The following DUSP16 variants were observed in gnomAD, a reference collection of about 807,000 sequenced individuals.
DUSP16 encodes dual specificity protein phosphatase 16.
Under a neutral mutation model 58.3 loss-of-function variants are expected in DUSP16, and 21 were observed. The ratio of observed to expected loss-of-function variants is 0.36; its 90% CI spans 0.26 to 0.52. The LOEUF (loss-of-function observed/expected upper bound fraction) is 0.52, where lower values mean the gene tolerates loss of function less well. DUSP16 is among the 20% of genes least tolerant of loss of function. DUSP16 has a pLI of 0.94. For synonymous variants in DUSP16, 320 were observed against 323.8 expected (o/e 0.99, Z 0.12); for missense variants, 726 against 819.0 (o/e 0.89, Z 1.39).
chr12:12,539,162 G>A (rs1389195428), intron 1 of DUSP16, among the ~76,000 whole-genome samples: 1 of 152,186 alleles, frequency 6.6e-6, no homozygotes, highest in South Asian at 2.1e-4. Context: ...GTTTAAGAGA[G>A]AGCAGAGGAG....
chr12:12,560,892 GAC>G (rs2136278397), intron 1 of DUSP16: 1 of 143,398 alleles, frequency 7.0e-6, no homozygotes, highest in South Asian at 2.2e-4. Flanking sequence ...GCATTTTTCT[GAC>G]AGTCTCAGTT....
intron 5 of DUSP16, 76 bp from the exon 6 acceptor site, chr12:12,480,422 CTCAG>C: frequency 6.5e-7 from 1 of 1,547,352 alleles, no homozygotes; most frequent in Non-Finnish European, 8.8e-7. Context: ...CATTTACTTA[CTCAG>C]TGTCTTCCAC....
intron 1 of DUSP16, among the ~76,000 whole-genome samples, chr12:12,524,326 G>A (rs1309066244): frequency 6.6e-6 from 1 of 152,214 alleles, no homozygotes; most frequent in African/African-American, 2.4e-5. Context: ...TTTCAGTGCT[G>A]TACTGAGGCC....
chr12:12,557,851 C>T (rs1167791032), intron 1 of DUSP16, among the ~76,000 whole-genome samples: 1 of 152,214 alleles, frequency 6.6e-6, no homozygotes, highest in African/African-American at 2.4e-5. Context: ...CAGGGTCTAG[C>T]ACTTGGTAGA....
chr12:12,486,803 T>A (rs1178229973), intron 5 of DUSP16, among the ~76,000 whole-genome samples: 1 of 152,184 alleles, frequency 6.6e-6, no homozygotes, highest in Non-Finnish European at 1.5e-5. Flanking sequence ...ACCTTGGTGG[T>A]GTTAAATGTT....
chr12:12,561,652 C>A (rs1206771764), intron 1 of DUSP16, among the ~76,000 whole-genome samples: 1 of 152,220 alleles, frequency 6.6e-6, no homozygotes, highest in South Asian at 2.1e-4. Context: ...ACACCAAAGG[C>A]GAACTGGGGA....
intron 3 of DUSP16, 79 bp downstream of exon 3, chr12:12,519,782 TA>T: frequency 7.0e-7 from 1 of 1,437,688 alleles, no homozygotes; most frequent in Non-Finnish European, 9.7e-7. Flanking sequence ...TGATCTATTG[TA>T]CTGAGTTCAC....
At chr12:12,558,326 ATT>A (rs1944841208) in intron 1 of DUSP16, among the ~76,000 whole-genome samples, 2 of 151,972 alleles carry the variant, frequency 1.3e-5, no homozygotes, top group African/African-American at 4.8e-5. Flanking sequence ...TAAATTTTAC[ATT>A]CTCATATAAG....
intron 1 of DUSP16, among the ~76,000 whole-genome samples, chr12:12,544,672 T>C (rs574681149): frequency 4.9e-4 from 75 of 152,226 alleles, no homozygotes; most frequent in Non-Finnish European, 9.0e-4. Flanking sequence ...GATCAGTGTG[T>C]AGTGGTAATT....
At chr12:12,505,284 C>T (rs1308616622) in intron 3 of DUSP16, among the ~76,000 whole-genome samples, 2 of 152,204 alleles carry the variant, frequency 1.3e-5, no homozygotes, top group African/African-American at 4.8e-5. Context: ...TTCATGGGGT[C>T]CTGGCCTCCC....
intron 5 of DUSP16, among the ~76,000 whole-genome samples, chr12:12,483,707 G>A (rs1485664778): frequency 2.6e-5 from 4 of 152,124 alleles, no homozygotes; most frequent in African/African-American, 4.8e-5. Context: ...AGCCAGCTGG[G>A]TTTGGGGGCA....
chr12:12,561,208 G>GA (rs1274693577), intron 1 of DUSP16: 2 of 152,098 alleles, frequency 1.3e-5, no homozygotes, highest in Non-Finnish European at 2.9e-5. Context: ...TATGCAACAG[G>GA]TTTTTTTCCT....
Position 12,500,632 on chromosome 12 carries a change from A to T in DUSP16, c.418T>A (p.Ser140Thr). The T allele has an allele frequency of 1.9e-6, 3 of 1,607,998 alleles. No homozygotes were observed. The highest frequency in any genetic ancestry group is 2.5e-6 in the Non-Finnish European group (3 of 1,177,354). ...GAAATGCAGGTAGGGACTAGAGTGG[A>T]TTTTCCTTCACAGAGGCCAGGGAAA... ...RCFPGLCEGK[S>T]TLVPTCISQP... Residue 140 changes from serine to threonine, a missense_variant, in exon 4 of 7, where the codon TCC (serine) becomes ACC (threonine). By Grantham distance (58) the Ser-to-Thr change is moderately conservative. Transcript: ENST00000298573.
intron 3 of DUSP16, 67 bp from the exon 4 acceptor site, chr12:12,500,749 G>A: frequency 1.4e-6 from 2 of 1,403,880 alleles, no homozygotes; most frequent in South Asian, 1.6e-5. Context: ...AGCTTTCTGT[G>A]AACTGCTCAA....
Position 12,521,102 on chromosome 12 carries a change from A to G in DUSP16, c.-4T>C, listed in dbSNP as rs1944229501. The G allele has an allele frequency of 1.2e-6, 2 of 1,613,850 alleles. No individual in the cohort carries two copies. The highest frequency in any genetic ancestry group is 4.5e-5 in the East Asian group (2 of 44,884). Reference sequence around the variant, plus strand: ...TTCCAATCATCTCATGGGCCATGACAACAATAAGTCCTCTTTTCCCACCTC... The same window carrying G: ...TTCCAATCATCTCATGGGCCATGACGACAATAAGTCCTCTTTTCCCACCTC... On this transcript the variant is annotated 5_prime_UTR_variant, in exon 2 of 7. Transcript: ENST00000298573.
chr12:12,478,916 T>G (rs902215362), intron 6 of DUSP16, among the ~76,000 whole-genome samples: 1 of 152,266 alleles, frequency 6.6e-6, no homozygotes, highest in Admixed American at 6.5e-5. Flanking sequence ...ACTGTGCTTA[T>G]GCACTGAATC....
chr12:12,548,738 A>G (rs1944685404), intron 1 of DUSP16, among the ~76,000 whole-genome samples: 1 of 152,050 alleles, frequency 6.6e-6, no homozygotes, highest in South Asian at 2.1e-4. Context: ...TTAATAATCT[A>G]AAGGTGTCAA....
chr12:12,528,595 CA>C (rs1452252451), intron 1 of DUSP16, among the ~76,000 whole-genome samples: 24 of 152,298 alleles, frequency 1.6e-4, no homozygotes, highest in Admixed American at 5.2e-4. Flanking sequence ...GTAACTAATT[CA>C]GTCAACTAAC....
intron 6 of DUSP16, among the ~76,000 whole-genome samples, chr12:12,478,666 C>T (rs1378128044): frequency 6.6e-6 from 1 of 152,126 alleles, no homozygotes; most frequent in Non-Finnish European, 1.5e-5. Context: ...CCACCAAGGA[C>T]ACCCCTGACA....
Sources: allele counts gnomAD v4.1 joint callset (sites outside exome capture counted in the v4.1 genomes callset), GRCh38; gene constraint gnomAD v4.1.1; transcripts MANE v1.5; gene names NCBI Gene and HGNC (gene_info 2026-07-23, HGNC 2026-07-21).